Variants in LARP1 observed in about 807,000 individuals in gnomAD.
LARP1 encodes the protein La ribonucleoprotein 1, translational regulator.
Under a neutral mutation model 122.7 loss-of-function variants are expected in LARP1, and 36 were observed. The ratio of observed to expected loss-of-function variants is 0.29; its 90% CI spans 0.22 to 0.39. LARP1 has a LOEUF of 0.39. Among genes scored for constraint, LARP1 ranks in the 10% least tolerant of loss-of-function variants. The pLI, the probability that LARP1 is intolerant of heterozygous loss-of-function variation, is 1.00. For missense variants in LARP1, 1,040 were observed against 1,403.6 expected, an observed-to-expected ratio of 0.74 and a Z score of 4.14; for synonymous variants, 539 against 528.7, an observed-to-expected ratio of 1.02 and a Z score of -0.27.
intron 10 of LARP1, among the ~76,000 whole-genome samples, chr5:154,800,336 TC>T (rs1224795445): frequency 6.6e-6 from 1 of 152,240 alleles, no homozygotes; most frequent in Non-Finnish European, 1.5e-5. Flanking sequence ...GCTTCTTGAT[TC>T]TTGGCTCTTC....
At chr5:154,806,710 T>G (rs979051890) in intron 15 of LARP1, among the ~76,000 whole-genome samples, 3 of 152,216 alleles carry the variant, frequency 2.0e-5, no homozygotes, top group Admixed American at 6.5e-5. Flanking sequence ...AGTTATTAAC[T>G]CATTCATCCT....
Position 154,793,874 on chromosome 5 carries a change from G to A in LARP1, c.943G>A (p.Ala315Thr). The A allele has an allele frequency of 6.2e-7, 1 of 1,614,186 alleles. No homozygotes were observed. The highest frequency in any genetic ancestry group is 1.1e-5 in the South Asian group (1 of 91,086). ...GCAACCAGAGATCAAACCGGAGCCT[G>A]CCTGGCACGACCAGGATGAGACATC... ...AWQPEIKPEP[A>T]WHDQDETSSV... The change falls in exon 6 of 19, where the codon GCC becomes ACC. Residue 315 changes from alanine (A) to threonine (T), a missense_variant. This residue lies in a region of LARP1 where 178 missense variants were observed against 178.3 expected (regional missense o/e 1.00). Transcript: ENST00000518297.
chr5:154,755,448 A>C lies in LARP1; in HGVS notation c.-310A>C. 1 of 643,760 alleles carries C rather than the reference A, an allele frequency of 1.6e-6. No individual in the cohort carries two copies. The highest frequency in any genetic ancestry group is 1.9e-6 in the Non-Finnish European group (1 of 518,366). 39.9% of individuals were successfully genotyped at this position (643,760 alleles called of 1,614,324 possible). On this transcript the variant is annotated 5_prime_UTR_variant, in exon 1 of 19. Coordinates refer to ENST00000518297, the MANE Select transcript of LARP1 (RefSeq NM_033551.3). ...GGGGCGGGGGGGAGGGAGGGACGGG[A>C]CTAGAAGCCTGCCGGGCTCGGGGTG...
chr5:154,720,829 T>C (rs958626392), intron 1 of LARP1, among the ~76,000 whole-genome samples: 1 of 152,146 alleles, frequency 6.6e-6, no homozygotes, highest in Non-Finnish European at 1.5e-5. Flanking sequence ...AGGAGTCTGC[T>C]GGGCCAGTGG....
chr5:154,803,342 A>G lies in LARP1; in HGVS notation c.2162A>G (p.Asp721Gly). 6.2e-7 allele frequency: 1 copy of G among 1,614,130 alleles called. No homozygotes were observed. Among genetic ancestry groups the G allele is most frequent in the Non-Finnish European group, 8.5e-7 (1 of 1,180,000 alleles). Residue 721 changes from aspartate (D) to glycine (G), a missense_variant, in exon 12 of 19, where the codon GAC becomes GGC. By Grantham distance (94) the Asp-to-Gly change is moderately conservative. Coordinates refer to ENST00000518297, the MANE Select transcript of LARP1 (RefSeq NM_033551.3). This position sits in a 1 kb window ranked among gnomAD's most constrained non-coding sequence, Gnocchi z 4.4. ...AATATGATCAGCCGGGAGCAGTTTG[A>G]CACACTGACCCCTGAGCCCCCTGTG... ...KVNMISREQF[D>G]TLTPEPPVDP...
At chr5:154,685,918 A>G in intron 1 of LARP1, 1 of 485,890 alleles carries the variant, frequency 2.1e-6, no homozygotes, top group Non-Finnish European at 4.0e-6. Flanking sequence ...ATGCTTCCCC[A>G]AGCTACCTCG....
In LARP1 at chr5:154,805,991, C is replaced by T; in HGVS notation, c.2657C>T (p.Thr886Ile). The T allele has an allele frequency of 6.2e-7, 1 of 1,614,148 alleles. No individual in the cohort carries two copies. Reference protein sequence around the residue: ...SHELLKENGFTQHVYHKYRRR... With the variant: ...SHELLKENGFIQHVYHKYRRR... ...GAACTGCTCAAGGAAAATGGCTTCACACAACACGTCTACCATAAGTATCGT... is the reference window on the plus strand; with the variant it reads ...GAACTGCTCAAGGAAAATGGCTTCATACAACACGTCTACCATAAGTATCGT... The change falls in exon 15 of 19, where the codon ACA becomes ATA. Residue 886 changes from threonine to isoleucine, a missense_variant. Physicochemically the swap from Thr to Ile is moderately conservative, Grantham distance 89. Around this residue, in one of 8 missense-constraint regions of LARP1, gnomAD observed 59 missense variants for 137.2 expected, o/e 0.43. Transcript: ENST00000518297.
At chr5:154,716,084 G>A (rs1012388687) in intron 1 of LARP1, among the ~76,000 whole-genome samples, 1 of 152,078 alleles carries the variant, frequency 6.6e-6, no homozygotes, top group South Asian at 2.1e-4. Flanking sequence ...GCAGTTCTCG[G>A]TTGTGTTTTG....
rs1167278632 is a variant in LARP1, at chr5:154,814,114, G to C, written c.*18G>C. ...GAAAGTGAAAAGCTCCTTAGCCCTG[G>C]GGCTTGAGGGGGGAAAGGGGTAGGG... On this transcript the variant is annotated 3_prime_UTR_variant, in exon 19 of 19. Transcript: ENST00000518297. The C allele has an allele frequency of 6.2e-7, 1 of 1,613,136 alleles. No individual in the cohort carries two copies. The highest frequency in any genetic ancestry group is 8.5e-7 in the Non-Finnish European group (1 of 1,179,466).
At chr5:154,794,898 A>G (rs549293097) in intron 7 of LARP1, among the ~76,000 whole-genome samples, 2 of 152,340 alleles carry the variant, frequency 1.3e-5, no homozygotes, top group East Asian at 1.9e-4. Flanking sequence ...AAAGTGACCA[A>G]CAATATTTGG....
intron 1 of LARP1, among the ~76,000 whole-genome samples, chr5:154,763,271 G>A (rs1333170063): frequency 6.6e-6 from 1 of 151,596 alleles, no homozygotes; most frequent in Non-Finnish European, 1.5e-5. Context: ...CATGTTGGTC[G>A]GGTTGGTCTC....
intron 1 of LARP1, among the ~76,000 whole-genome samples, chr5:154,778,258 T>TTA (rs1326085254): frequency 1.1e-3 from 137 of 119,710 alleles, no homozygotes; most frequent in Admixed American, 2.8e-3. Flanking sequence ...AGACTCCGTC[T>TTA]AAAAAAAAAA....
intron 1 of LARP1, among the ~76,000 whole-genome samples, chr5:154,703,893 A>G (rs1379313788): frequency 1.3e-5 from 2 of 152,106 alleles, no homozygotes; most frequent in African/African-American, 2.4e-5. Flanking sequence ...AGTGCTGGGA[A>G]TACAGGCATG....
chr5:154,746,119 C>T (rs563142187), intron 1 of LARP1, among the ~76,000 whole-genome samples: 15 of 152,296 alleles, frequency 9.8e-5, no homozygotes, highest in African/African-American at 3.4e-4. Flanking sequence ...CTTTTGACAT[C>T]AAACCCTTTC....
intron 1 of LARP1, among the ~76,000 whole-genome samples, chr5:154,723,489 A>C (rs190256026): frequency 6.6e-6 from 1 of 152,146 alleles, no homozygotes; most frequent in Admixed American, 6.6e-5. Context: ...ACCCTAAAAC[A>C]TGAGTTATTT....
chr5:154,774,820 A>G (rs1353436177), intron 1 of LARP1, among the ~76,000 whole-genome samples: 2 of 152,132 alleles, frequency 1.3e-5, no homozygotes, highest in African/African-American at 4.8e-5. Context: ...CCGTCTGGTC[A>G]CTTCTTTTAC....
chr5:154,684,758 T>C (rs1753847834), intron 1 of LARP1, among the ~76,000 whole-genome samples: 1 of 152,090 alleles, frequency 6.6e-6, no homozygotes, highest in African/African-American at 2.4e-5. Context: ...TCCATTGAAA[T>C]CAAATAATAC....
At chr5:154,775,194 G>A (rs1005662121) in intron 1 of LARP1, among the ~76,000 whole-genome samples, 1 of 152,158 alleles carries the variant, frequency 6.6e-6, no homozygotes, top group African/African-American at 2.4e-5. Flanking sequence ...CAGCTACTTG[G>A]GTGGCTGATC....
intron 1 of LARP1, among the ~76,000 whole-genome samples, chr5:154,703,392 T>C (rs1754811868): frequency 6.6e-6 from 1 of 152,140 alleles, no homozygotes; most frequent in South Asian, 2.1e-4. Flanking sequence ...ACTGACCAAC[T>C]GACTGGGGCC....
Sources: allele counts gnomAD v4.1 joint callset (sites outside exome capture counted in the v4.1 genomes callset), GRCh38; gene constraint gnomAD v4.1.1; regional missense constraint gnomAD v4.1.1; non-coding constraint Gnocchi (gnomAD v3.1); transcripts MANE v1.5; gene names NCBI Gene and HGNC (gene_info 2026-07-23, HGNC 2026-07-21).